The following CFAP299 variants were observed in gnomAD, a reference collection of about 807,000 sequenced individuals.
CFAP299 encodes the protein cilia and flagella associated protein 299, also known as cilia- and flagella-associated protein 299.
In CFAP299, 21 loss-of-function variants were observed where a neutral mutation model predicts 27.0. The observed-to-expected ratio is 0.78, with a 90% confidence interval of 0.55 to 1.12. The LOEUF is 1.12. Ranked by LOEUF, CFAP299 falls within the 50% of genes most tolerant of loss-of-function variation. The pLI is 0.00. For synonymous variants in CFAP299, 104 were observed against 98.1 expected (o/e 1.06, Z -0.36); for missense variants, 310 against 276.6 (o/e 1.12, Z -0.86).
At chr4:80,720,781 T>A (rs977926641) in intron 3 of CFAP299, among the ~76,000 whole-genome samples, 19 of 152,092 alleles carry the variant, frequency 1.2e-4, no homozygotes, top group Admixed American at 4.6e-4. Context: ...AGGAGAAAAA[T>A]CAACCAAGTG....
rs769574837 is a variant in CFAP299, at chr4:80,703,824, C to T, written c.333+120641C>T. 2.0e-5 allele frequency among the ~76,000 whole-genome samples: 3 copies of T among 151,672 alleles called. No homozygotes were observed. The South Asian group carries it at 6.2e-4, about 31-fold the overall frequency. Reference sequence around the variant, plus strand: ...TTGCTCTTCTATTTCTATGTCTTAGCTCATCTTCAGCTGACAATTTCCAGT... The same window carrying T: ...TTGCTCTTCTATTTCTATGTCTTAGTTCATCTTCAGCTGACAATTTCCAGT... On this transcript the variant is annotated intron_variant, in intron 3 of 5. Coordinates refer to ENST00000358105, the MANE Select transcript of CFAP299 (RefSeq NM_152770.3).
intron 3 of CFAP299, among the ~76,000 whole-genome samples, chr4:80,742,508 T>C (rs1724334476): frequency 6.6e-6 from 1 of 152,124 alleles, no homozygotes; most frequent in Admixed American, 6.5e-5. Context: ...AAATAAGCCA[T>C]AAAAATCTAT....
chr4:80,673,237 G>A lies in CFAP299; in HGVS notation c.333+90054G>A, dbSNP rs375072235. On this transcript the variant is annotated intron_variant, in intron 3 of 5. Transcript: ENST00000358105. Reference sequence around the variant, plus strand: ...TTTGTTCTCATTGGTTTCAAATAACGTCTTTATTTCTGCCTTCATTTCGTT... The same window carrying A: ...TTTGTTCTCATTGGTTTCAAATAACATCTTTATTTCTGCCTTCATTTCGTT... 1.3e-3 allele frequency among the ~76,000 whole-genome samples: 191 copies of A among 152,030 alleles called. 1 individual carries two copies. The highest frequency in any genetic ancestry group is 2.2e-3 in the Non-Finnish European group (152 of 67,962).
chr4:80,504,462 C>CATATATATAT (rs56729877), intron 2 of CFAP299, among the ~76,000 whole-genome samples: 527 of 37,672 alleles, frequency 0.014, 24 homozygotes, highest in East Asian at 0.025. Flanking sequence ...TAAAATCTCA[C>CATATATATAT]ATATATATAT....
rs57039678 is a variant in CFAP299, at chr4:80,648,065, A to G, written c.333+64882A>G. Reference sequence around the variant, plus strand: ...GAGGGAGAGACTCTGTCTCCAAAAAAAGGAAAAATGTTTTTAAGAAAAGTT... The same window carrying G: ...GAGGGAGAGACTCTGTCTCCAAAAAGAGGAAAAATGTTTTTAAGAAAAGTT... On this transcript the variant is annotated intron_variant, in intron 3 of 5. Transcript: ENST00000358105. 7.2e-5 allele frequency among the ~76,000 whole-genome samples: 11 copies of G among 152,306 alleles called. 1 individual carries two copies. The highest frequency in any genetic ancestry group is 3.4e-3 in the Middle Eastern group (1 of 294).
chr4:80,822,075 A>G (rs1273863935), intron 3 of CFAP299, among the ~76,000 whole-genome samples: 1 of 152,176 alleles, frequency 6.6e-6, no homozygotes, highest in African/African-American at 2.4e-5. Context: ...ACTTGGTGAA[A>G]TTAATTTTTC....
chr4:80,324,068 A>G, the CFAP299 span, among the ~76,000 whole-genome samples: 72 of 152,234 alleles, frequency 4.7e-4, no homozygotes, highest in Non-Finnish European at 9.6e-4. Flanking sequence ...TGCTGCTCCT[A>G]TCAACCCGTC....
intron 1 of CFAP299, among the ~76,000 whole-genome samples, chr4:80,346,550 GT>G (rs1722737856): frequency 6.6e-6 from 1 of 152,188 alleles, no homozygotes. Flanking sequence ...CCCAGTGCTT[GT>G]TTTTGTCAAG....
At chr4:80,634,052 C>A (rs895521003) in intron 3 of CFAP299, among the ~76,000 whole-genome samples, 2 of 146,808 alleles carry the variant, frequency 1.4e-5, no homozygotes, top group East Asian at 2.0e-4. Flanking sequence ...GGCATACTCT[C>A]GGCTCACTGC....
chr4:80,553,857 ATTTG>A (rs2110212552), intron 2 of CFAP299, among the ~76,000 whole-genome samples: 1 of 151,770 alleles, frequency 6.6e-6, no homozygotes, highest in Non-Finnish European at 1.5e-5. Flanking sequence ...TCTCTTATAA[ATTTG>A]TTTAAGTTCC....
At chr4:80,516,135 C>T (rs979460013) in intron 2 of CFAP299, among the ~76,000 whole-genome samples, 19 of 151,320 alleles carry the variant, frequency 1.3e-4, no homozygotes, top group Middle Eastern at 6.3e-3. Flanking sequence ...ATTCTCTTGC[C>T]TCAGCCTCCC....
intron 3 of CFAP299, among the ~76,000 whole-genome samples, chr4:80,770,571 C>G (rs1457461833): frequency 6.6e-6 from 1 of 152,154 alleles, no homozygotes; most frequent in Non-Finnish European, 1.5e-5. Context: ...CCAAACATCC[C>G]CTCAAGAGAC....
chr4:80,731,181 A>AT (rs1240172859), intron 3 of CFAP299, among the ~76,000 whole-genome samples: 2 of 152,160 alleles, frequency 1.3e-5, no homozygotes, highest in Non-Finnish European at 2.9e-5. Context: ...TGCCTATTTT[A>AT]TTTATTTTAT....
chr4:80,772,558 T>A (rs975158529), intron 3 of CFAP299, among the ~76,000 whole-genome samples: 2 of 151,894 alleles, frequency 1.3e-5, no homozygotes, highest in Non-Finnish European at 2.9e-5. Flanking sequence ...ATTTTTTTTT[T>A]ATTTTACTTT....
chr4:80,752,105 T>A (rs947201475), intron 3 of CFAP299, among the ~76,000 whole-genome samples: 11 of 151,972 alleles, frequency 7.2e-5, no homozygotes, highest in Admixed American at 7.2e-4. Context: ...AGAAGCATGG[T>A]TTCAATCACT....
chr4:80,687,714 T>C (rs1005620619), intron 3 of CFAP299, among the ~76,000 whole-genome samples: 1 of 152,104 alleles, frequency 6.6e-6, no homozygotes, highest in Non-Finnish European at 1.5e-5. Flanking sequence ...ACAGCTCCGG[T>C]CTACAGCTCC....
intron 4 of CFAP299, among the ~76,000 whole-genome samples, chr4:80,908,107 T>G (rs1735275815): frequency 6.6e-6 from 1 of 152,200 alleles, no homozygotes; most frequent in African/African-American, 2.4e-5. Flanking sequence ...GAACCTGAAG[T>G]GTCTTGTTCA....
At chr4:80,958,699 A>G (rs1738186051) in intron 5 of CFAP299, among the ~76,000 whole-genome samples, 1 of 152,100 alleles carries the variant, frequency 6.6e-6, no homozygotes, top group Non-Finnish European at 1.5e-5. Context: ...TTTAATTCCT[A>G]CTCTGCTGAA....
chr4:80,913,270 ATATAT>A (rs1315922384), intron 4 of CFAP299, among the ~76,000 whole-genome samples: 4 of 152,212 alleles, frequency 2.6e-5, no homozygotes, highest in Non-Finnish European at 5.9e-5. Flanking sequence ...AAGAAAATAA[ATATAT>A]TATATGGGAG....
Sources: gnomAD v4.1 joint callset for allele counts (sites outside exome capture counted in the v4.1 genomes callset) on GRCh38, gnomAD v4.1.1 for gene constraint, MANE v1.5 for transcripts, NCBI Gene and HGNC (gene_info 2026-07-23, HGNC 2026-07-21) for gene names.